FRMD3: variants seen among roughly 807,000 people sequenced by gnomAD.
FRMD3 encodes the protein FERM domain containing 3.
A neutral mutation model predicts 70.2 loss-of-function variants in FRMD3; 33 were observed. The observed-to-expected ratio is 0.47, with a 90% confidence interval of 0.36 to 0.63. The LOEUF (loss-of-function observed/expected upper bound fraction) is 0.63. Among genes scored for constraint, FRMD3 ranks in the 20% least tolerant of loss-of-function variants. The pLI is 0.00. For synonymous variants in FRMD3, 279 were observed against 255.9 expected (o/e 1.09, Z -0.86); for missense variants, 632 against 711.4 (o/e 0.89, Z 1.27).
downstream of FRMD3, among the ~76,000 whole-genome samples, chr9:83,243,976 A>AAATT (rs1554674710): frequency 6.6e-6 from 1 of 152,068 alleles, no homozygotes; most frequent in African/African-American, 2.4e-5. Context: ...AAAATACAAA[A>AAATT]AATTAGCTGG....
At chr9:83,353,236 A>C (rs1824221663) in intron 3 of FRMD3, among the ~76,000 whole-genome samples, 1 of 145,402 alleles carries the variant, frequency 6.9e-6, no homozygotes, top group Non-Finnish European at 1.5e-5. Flanking sequence ...AACTGATGAG[A>C]AGGTCAATGT....
At chr9:83,569,453 G>C in the FRMD3 span, among the ~76,000 whole-genome samples, 3 of 152,234 alleles carry the variant, frequency 2.0e-5, no homozygotes, top group African/African-American at 7.2e-5. Context: ...CTGAGGCTGA[G>C]AGCATGCTGC....
chr9:83,298,885 G>C (rs1834788061), intron 11 of FRMD3, 69 bp from the exon 12 acceptor site: 1 of 1,458,180 alleles, frequency 6.9e-7, no homozygotes, highest in African/African-American at 1.4e-5. Flanking sequence ...ATGCACAAGT[G>C]TCCTTTTGTT....
chr9:83,328,258 C>T (rs905443820), intron 6 of FRMD3, among the ~76,000 whole-genome samples: 6 of 151,874 alleles, frequency 4.0e-5, no homozygotes, highest in Non-Finnish European at 8.8e-5. Flanking sequence ...GGTGGCAATT[C>T]AGAGACAAAG....
chr9:83,336,729 T>G (rs1823593456), intron 5 of FRMD3, among the ~76,000 whole-genome samples: 1 of 144,240 alleles, frequency 6.9e-6, no homozygotes, highest in Non-Finnish European at 1.5e-5. Context: ...AGAGAACCCT[T>G]AAAAACTGAG....
intron 1 of FRMD3, among the ~76,000 whole-genome samples, chr9:83,524,790 T>C (rs1432332595): frequency 6.6e-6 from 1 of 152,184 alleles, no homozygotes; most frequent in East Asian, 1.9e-4. Context: ...AAGAGGACTA[T>C]AAGTATATAG....
At position 83,247,653 on chromosome 9, in the gene FRMD3, A is replaced by C. The variant is rs542306227; in HGVS notation, c.*265T>G. 1 of 1,129,608 alleles carries C rather than the reference A, an allele frequency of 8.9e-7. No individual in the cohort carries two copies. Among genetic ancestry groups the C allele is most frequent in the African/African-American group, 1.6e-5 (1 of 62,644 alleles). 70.0% of individuals were successfully genotyped at this position (1,129,608 alleles called of 1,614,324 possible). On this transcript the variant is annotated 3_prime_UTR_variant, in exon 14 of 14. Transcript: ENST00000304195. ...ACATGTATTATGATATAATAGATGA[A>C]GGGTATGTCTACACTATAATAAAAA...
chr9:83,562,069 A>C, the FRMD3 span, among the ~76,000 whole-genome samples: 2 of 152,208 alleles, frequency 1.3e-5, no homozygotes, highest in Non-Finnish European at 2.9e-5. Context: ...TAATGAGTGG[A>C]TGGGATCAAA....
downstream of FRMD3, among the ~76,000 whole-genome samples, chr9:83,243,563 C>T (rs1032844373): frequency 1.3e-5 from 2 of 152,288 alleles, no homozygotes; most frequent in Admixed American, 1.3e-4. Context: ...TTGTGTGAGC[C>T]TTTTGGGTCA....
intron 4 of FRMD3, among the ~76,000 whole-genome samples, chr9:83,349,010 G>A (rs1459208383): frequency 6.6e-6 from 1 of 152,190 alleles, no homozygotes; most frequent in Non-Finnish European, 1.5e-5. Flanking sequence ...AGTGATTTTT[G>A]TGGTCACCAA....
intron 3 of FRMD3, chr9:83,350,990 C>A (rs1028823472): frequency 2.9e-5 from 28 of 966,506 alleles, no homozygotes; most frequent in Admixed American, 6.2e-5. Context: ...ATGGATTGGA[C>A]ATACCACTCA....
upstream of FRMD3, chr9:83,538,444 CT>C: frequency 2.6e-6 from 1 of 378,422 alleles, no homozygotes; most frequent in Non-Finnish European, 4.7e-6. This position sits in a 1 kb window ranked among gnomAD's most constrained non-coding sequence, Gnocchi z 4.7. Flanking sequence ...GCCTCGCCCC[CT>C]CCTTTCCCCG....
At chr9:83,429,846 T>A (rs1271261646) in intron 1 of FRMD3, among the ~76,000 whole-genome samples, 1 of 152,112 alleles carries the variant, frequency 6.6e-6, no homozygotes, top group Non-Finnish European at 1.5e-5. Flanking sequence ...GCTCCAACTC[T>A]GACCTCTATG....
At chr9:83,386,209 A>G (rs1012108664) in intron 2 of FRMD3, among the ~76,000 whole-genome samples, 4 of 152,192 alleles carry the variant, frequency 2.6e-5, no homozygotes, top group Admixed American at 1.3e-4. Flanking sequence ...TTTTTAATTC[A>G]TATCTTTCTG....
At chr9:83,312,725 T>C (rs1587712009) in intron 7 of FRMD3, among the ~76,000 whole-genome samples, 1 of 152,286 alleles carries the variant, frequency 6.6e-6, no homozygotes, top group African/African-American at 2.4e-5. Flanking sequence ...CTGGGTAGCC[T>C]GGTCGCCGCA....
intron 1 of FRMD3, among the ~76,000 whole-genome samples, chr9:83,512,045 G>A (rs757105021): frequency 2.0e-5 from 3 of 152,150 alleles, no homozygotes; most frequent in East Asian, 1.9e-4. Context: ...CTATGTGACC[G>A]AAGACAGGGT....
chr9:83,579,243 TG>T, the FRMD3 span, among the ~76,000 whole-genome samples: 1 of 151,698 alleles, frequency 6.6e-6, no homozygotes, highest in African/African-American at 2.4e-5. Flanking sequence ...TACCCAAAAT[TG>T]TCTATAGATT....
chr9:83,362,163 C>T (rs1824606700), intron 3 of FRMD3, among the ~76,000 whole-genome samples: 1 of 143,068 alleles, frequency 7.0e-6, no homozygotes, highest in Non-Finnish European at 1.5e-5. Flanking sequence ...AGAGCAAAAT[C>T]GATGCTGTTG....
At chr9:83,243,229 T>A (rs1436823707), downstream of FRMD3, 3 of 1,550,094 alleles carry the variant, frequency 1.9e-6, no homozygotes, top group Admixed American at 5.9e-5. Context: ...GAAGCCCAGA[T>A]GCAGGTCCAA....
Sources: allele counts gnomAD v4.1 joint callset (sites outside exome capture counted in the v4.1 genomes callset), GRCh38; gene constraint gnomAD v4.1.1; non-coding constraint Gnocchi (gnomAD v3.1); transcripts MANE v1.5; gene names NCBI Gene and HGNC (gene_info 2026-07-23, HGNC 2026-07-21).